The following LEMD3 variants were observed in gnomAD, a reference collection of about 807,000 sequenced individuals.
LEMD3 encodes inner nuclear membrane protein Man1.
Under a neutral mutation model 95.2 loss-of-function variants are expected in LEMD3, and 33 were observed. That is an observed-to-expected ratio of 0.35 (90% CI 0.26 to 0.46). The LOEUF (loss-of-function observed/expected upper bound fraction) is 0.46. Among genes scored for constraint, LEMD3 ranks in the 20% least tolerant of loss-of-function variants. LEMD3 has a pLI of 1.00. For synonymous variants in LEMD3, 525 were observed against 474.6 expected, an observed-to-expected ratio of 1.11 and a Z score of -1.38; for missense variants, 1,210 against 1,192.8, an observed-to-expected ratio of 1.01 and a Z score of -0.21.
rs1216210327 is a variant in LEMD3, at chr12:65,170,631, G to T, written c.1035G>T (p.Gly345=). The T allele has an allele frequency of 6.2e-7, 1 of 1,614,040 alleles. No homozygotes were observed. Among genetic ancestry groups the T allele is most frequent in the Non-Finnish European group, 8.5e-7 (1 of 1,180,030 alleles). The change falls in exon 1 of 13, where the codon GGG becomes GGT. Residue 345 remains glycine (G), a synonymous_variant. Coordinates refer to ENST00000308330, the MANE Select transcript of LEMD3 (RefSeq NM_014319.5). ...CGGCGGCCGCGGAGCAGGGAGGAGGGTGTGATCAAGTGGACTCCAGCCCCG... is the reference window on the plus strand; with the variant it reads ...CGGCGGCCGCGGAGCAGGGAGGAGGTTGTGATCAAGTGGACTCCAGCCCCG... The part of the protein sequence containing the change: ...EEAAAAEQGG[G]CDQVDSSPVP...
intron 1 of LEMD3, among the ~76,000 whole-genome samples, chr12:65,184,708 G>A (rs1869005750): frequency 1.3e-5 from 2 of 152,188 alleles, no homozygotes; most frequent in South Asian, 2.1e-4. Flanking sequence ...ATGCTCATTC[G>A]TATCTCATTT....
intron 1 of LEMD3, among the ~76,000 whole-genome samples, chr12:65,190,817 G>T (rs1257889851): frequency 6.6e-6 from 1 of 152,132 alleles, no homozygotes; most frequent in Non-Finnish European, 1.5e-5. Context: ...CATAAAAATA[G>T]AAATACTTGG....
At chr12:65,224,506 TC>T (rs1458061863) in intron 4 of LEMD3, among the ~76,000 whole-genome samples, 2 of 151,736 alleles carry the variant, frequency 1.3e-5, no homozygotes, top group East Asian at 3.9e-4. Context: ...TGCTCCCCCC[TC>T]CCCCCTACCA....
Position 65,170,273 on chromosome 12 carries a change from A to G in LEMD3, c.677A>G (p.Asp226Gly). The change falls in exon 1 of 13, where the codon GAC becomes GGC. Residue 226 changes from aspartate (D) to glycine (G), a missense_variant. Asp to Gly is a moderately conservative substitution (Grantham distance 94). This residue lies in a region of LEMD3 where 749 missense variants were observed against 622.9 expected (regional missense o/e 1.20). Coordinates refer to ENST00000308330, the MANE Select transcript of LEMD3 (RefSeq NM_014319.5). ...AVEDEEGEGE[D>G]GEERDPETEE... ...GAGGACGAGGAAGGGGAGGGAGAGG[A>G]CGGTGAGGAGAGGGACCCGGAGACC... 6.4e-7 allele frequency: 1 copy of G among 1,567,384 alleles called. No homozygotes were observed. The highest frequency in any genetic ancestry group is 2.4e-5 in the East Asian group (1 of 42,394).
At position 65,216,057 on chromosome 12, in the gene LEMD3, C is replaced by T. The variant is rs1181184210; in HGVS notation, c.1627+14C>T. ...CACAGCTTGCAGGTAATTGTTTTAA[C>T]TTTTATAGTTGCTAAAAATGTTTTG... On this transcript the variant is annotated intron_variant, in intron 3 of 12. Coordinates refer to ENST00000308330, the MANE Select transcript of LEMD3 (RefSeq NM_014319.5). 2.0e-6 allele frequency: 3 copies of T among 1,531,256 alleles called. No individual in the cohort carries two copies. The African/African-American group carries it at 4.1e-5, about 21-fold the overall frequency. The allele number at this position is 1,531,256 out of a possible 1,614,324, so 94.9% of individuals were successfully genotyped here. A position where few individuals can be genotyped will look rare whatever the true frequency, so the allele number is the denominator to read the frequency against.
chr12:65,215,580 G>T (rs1045277770), intron 2 of LEMD3, among the ~76,000 whole-genome samples: 2 of 152,106 alleles, frequency 1.3e-5, no homozygotes, highest in Non-Finnish European at 2.9e-5. Flanking sequence ...GTTTTATGTG[G>T]TTGAGTTAGA....
rs550697467 is a variant in LEMD3, at chr12:65,170,395, G to C, written c.799G>C (p.Asp267His). 3.1e-6 allele frequency: 5 copies of C among 1,614,088 alleles called. No homozygotes were observed. The highest frequency in any genetic ancestry group is 4.2e-6 in the Non-Finnish European group (5 of 1,179,988). The stretch of plus-strand genomic sequence containing the variant: ...TTCGGACTCAGAGGAAGAGGACGAC[G>C]ACGACGTGGCCTCCAGCAGACAGGT... The part of the protein sequence containing the change: ...NYSDSEEEDD[D>H]DVASSRQVLK... The change falls in exon 1 of 13, where the codon GAC becomes CAC. Residue 267 changes from aspartate to histidine, a missense_variant. Asp to His is a moderately conservative substitution (Grantham distance 81, BLOSUM62 -1). Coordinates refer to ENST00000308330, the MANE Select transcript of LEMD3 (RefSeq NM_014319.5).
At position 65,241,099 on chromosome 12, in the gene LEMD3, T is replaced by C; in HGVS notation, c.2305+12T>C. On this transcript the variant is annotated intron_variant, in intron 9 of 12. Transcript: ENST00000308330. The stretch of plus-strand genomic sequence containing the variant: ...ATGGCAAGGTCAAGGTATGTATTTT[T>C]AAACATCAAAAAAGTAATTTTCTTC... The C allele has an allele frequency of 6.2e-7, 1 of 1,608,560 alleles. No individual in the cohort carries two copies. Among genetic ancestry groups the C allele is most frequent in the East Asian group, 2.2e-5 (1 of 44,800 alleles).
At chr12:65,216,204 T>C (rs1330251617) in intron 3 of LEMD3, among the ~76,000 whole-genome samples, 161 bp downstream of exon 3, 2 of 151,886 alleles carry the variant, frequency 1.3e-5, no homozygotes, top group East Asian at 1.9e-4. Flanking sequence ...TTTTTACATA[T>C]GTATTTAATG....
In LEMD3 at chr12:65,171,115, A is replaced by G. The variant is rs1291338153; in HGVS notation, c.1519A>G (p.Ser507Gly). The G allele has an allele frequency of 6.2e-7, 1 of 1,610,684 alleles. No individual in the cohort carries two copies. Among genetic ancestry groups the G allele is most frequent in the Non-Finnish European group, 8.5e-7 (1 of 1,180,002 alleles). ...GTGVSEDGEL[S>G]IENPFGETFG... ...AGGAGTATCTGAGGATGGAGAACTC[A>G]GCAGTAAGTATTAAATCCTGTGGGT... Residue 507 changes from serine to glycine, a missense_variant, in exon 1 of 13, where the codon AGC (serine) becomes GGC (glycine). Ser to Gly is a moderately conservative substitution (Grantham distance 56, BLOSUM62 0). Transcript: ENST00000308330.
At chr12:65,237,265 G>A (rs1870800392) in intron 4 of LEMD3, among the ~76,000 whole-genome samples, 1 of 152,100 alleles carries the variant, frequency 6.6e-6, no homozygotes, top group African/African-American at 2.4e-5. Context: ...TAAATGTGTA[G>A]CTTAATAAAA....
intron 1 of LEMD3, among the ~76,000 whole-genome samples, chr12:65,201,918 A>G (rs1869611568): frequency 6.8e-6 from 1 of 147,980 alleles, no homozygotes; most frequent in Non-Finnish European, 1.5e-5. Context: ...AGGTGTTTCT[A>G]TTTTTGTTTT....
At chr12:65,242,708 A>G (rs959994848) in intron 9 of LEMD3, among the ~76,000 whole-genome samples, 2 of 152,134 alleles carry the variant, frequency 1.3e-5, no homozygotes, top group Non-Finnish European at 2.9e-5. Context: ...TCTCCTTCTT[A>G]GACAACTATA....
At chr12:65,185,424 A>G (rs567650710) in intron 1 of LEMD3, among the ~76,000 whole-genome samples, 40 of 152,240 alleles carry the variant, frequency 2.6e-4, no homozygotes, top group African/African-American at 9.1e-4. Context: ...CCCATTATAA[A>G]GTTTGTCTGA....
In LEMD3 at chr12:65,237,962, A is replaced by T. The variant is rs191312837; in HGVS notation, c.1696-540A>T. 7.9e-5 allele frequency among the ~76,000 whole-genome samples: 12 copies of T among 152,306 alleles called. No individual in the cohort carries two copies. In the South Asian group the frequency reaches 1.0e-3, roughly 13 times the overall value. The stretch of plus-strand genomic sequence containing the variant: ...TTCACTCTTATGATGGCACTGATAA[A>T]CTAATGATAAAAAAAGAACTTCCAA... On this transcript the variant is annotated intron_variant, in intron 4 of 12. Transcript: ENST00000308330.
intron 4 of LEMD3, among the ~76,000 whole-genome samples, chr12:65,227,893 G>A (rs938613075): frequency 6.6e-6 from 1 of 151,742 alleles, no homozygotes; most frequent in Non-Finnish European, 1.5e-5. Context: ...ATTTAATGCC[G>A]ACATAATCAT....
chr12:65,248,205 C>T lies in LEMD3; in HGVS notation c.*1880C>T, dbSNP rs2888. ...CTGTTAAGCCGACCAAGATCCCTCC[C>T]TGCAAGACAGATGGGAATGTGTATA... On this transcript the variant is annotated 3_prime_UTR_variant, in exon 13 of 13. Transcript: ENST00000308330. 0.3 allele frequency: 44,907 copies of T among 152,152 alleles called. 6,701 individuals are homozygous for T. Among genetic ancestry groups the T allele is most frequent in the Admixed American group, 0.37 (5,575 of 15,264 alleles). The allele number at this position is 152,152 out of a possible 1,614,324, so 9.4% of individuals were successfully genotyped here. A position where few individuals can be genotyped will look rare whatever the true frequency, so the allele number is the denominator to read the frequency against.
chr12:65,221,994 C>G (rs138050008), intron 4 of LEMD3, among the ~76,000 whole-genome samples: 2 of 152,114 alleles, frequency 1.3e-5, no homozygotes, highest in African/African-American at 2.4e-5. Context: ...CCACCCACCT[C>G]GGCCTCCCAA....
chr12:65,236,956 G>A (rs1870792244), intron 4 of LEMD3, among the ~76,000 whole-genome samples: 1 of 151,938 alleles, frequency 6.6e-6, no homozygotes, highest in African/African-American at 2.4e-5. Context: ...CCCACACATA[G>A]CAGTTCTTAA....
Sources: allele counts gnomAD v4.1 joint callset (sites outside exome capture counted in the v4.1 genomes callset), GRCh38; gene constraint gnomAD v4.1.1; regional missense constraint gnomAD v4.1.1; transcripts MANE v1.5; gene names NCBI Gene and HGNC (gene_info 2026-07-23, HGNC 2026-07-21).